DMRT3: variants seen among roughly 807,000 people sequenced by gnomAD.
DMRT3 encodes doublesex and mab-3 related transcription factor 3.
In DMRT3, 29 loss-of-function variants were observed where a neutral mutation model predicts 34.9. The ratio of observed to expected loss-of-function variants is 0.83; its 90% confidence interval spans 0.62 to 1.13. The LOEUF (loss-of-function observed/expected upper bound fraction) is 1.13. Among genes scored for constraint, DMRT3 ranks in the 50% most tolerant of loss-of-function variants. The pLI is 0.00. For missense variants in DMRT3, 772 were observed against 629.1 expected, an observed-to-expected ratio of 1.23 and a Z score of -2.43; for synonymous variants, 350 against 286.0, an observed-to-expected ratio of 1.22 and a Z score of -2.26.
rs1295419129 is a variant in DMRT3 at position 990,179 on chromosome 9, T to C, written c.593T>C (p.Val198Ala). The C allele has an allele frequency of 3.7e-6, 6 of 1,613,692 alleles. No homozygotes were observed. The highest frequency in any genetic ancestry group is 4.5e-5 in the East Asian group (2 of 44,856). ...TTCACCCCTGAGAGCCCTGAGATAG[T>C]GTCCGTGGAGGAAGGGGGATACGCT... ...GCFTPESPEI[V>A]SVEEGGYAVQ... is the part of the protein sequence containing the mutation. The change falls in exon 2 of 2, where the codon GTG becomes GCG. Residue 198 changes from valine to alanine, a missense_variant. Val to Ala is a moderately conservative substitution (Grantham distance 64). Coordinates refer to ENST00000190165, the MANE Select transcript of DMRT3 (RefSeq NM_021240.4).
Position 990,148 on chromosome 9 carries a change from G to A in DMRT3, c.562G>A (p.Gly188Ser). The change falls in exon 2 of 2, where the codon GGC becomes AGC. Residue 188 changes from glycine (G) to serine (S), a missense_variant. Gly to Ser is a moderately conservative substitution (Grantham distance 56). Coordinates refer to ENST00000190165, the MANE Select transcript of DMRT3 (RefSeq NM_021240.4). ...RSSPDVAKSK[G>S]CFTPESPEIV... ...TTCCCCAGATGTGGCAAAGAGTAAG[G>A]GCTGCTTCACCCCTGAGAGCCCTGA... The A allele has an allele frequency of 1.9e-6, 3 of 1,614,016 alleles. No individual in the cohort carries two copies. The highest frequency in any genetic ancestry group is 2.5e-6 in the Non-Finnish European group (3 of 1,180,006).
chr9:979,279 G>A (rs1368594296), intron 1 of DMRT3, among the ~76,000 whole-genome samples: 1 of 152,198 alleles, frequency 6.6e-6, no homozygotes, highest in Non-Finnish European at 1.5e-5. Context: ...AGGCAGGAAG[G>A]CAGAGTAGGC....
rs371999489 is a variant in DMRT3 at position 990,867 on chromosome 9, C to A, written c.1281C>A (p.Ala427=). 1 of 1,614,104 alleles carries A rather than the reference C, an allele frequency of 6.2e-7. No individual in the cohort carries two copies. Residue 427 remains alanine, a synonymous_variant, in exon 2 of 2, where the codon GCC becomes GCA. Transcript: ENST00000190165. ...TCAGAAGCTCGCCCGTCCTTCCTGC[C>A]CGCGCCACGGAAGACCCTCGGATTT... ...SVFRSSPVLP[A]RATEDPRISI...
In DMRT3 at chr9:991,106, T is replaced by C. The variant is rs1466099232; in HGVS notation, c.*101T>C. ...ATCTTGTGTATGCCCTTTCCTTCTG[T>C]TTGACAAAGTGACTGTGCTTGATTC... On this transcript the variant is annotated 3_prime_UTR_variant, in exon 2 of 2. Transcript: ENST00000190165. The C allele has an allele frequency of 1.4e-6, 2 of 1,438,422 alleles. No individual in the cohort carries two copies. Among genetic ancestry groups the C allele is most frequent in the African/African-American group, 1.4e-5 (1 of 70,290 alleles). The allele number at this position is 1,438,422 out of a possible 1,614,324, so 89.1% of individuals were successfully genotyped here.
In DMRT3 at chr9:990,609, G is replaced by GT; in HGVS notation, c.1027dup (p.Ser343PhefsTer5). The GT allele has an allele frequency of 1.2e-6, 2 of 1,614,096 alleles. No individual in the cohort carries two copies. Among genetic ancestry groups the GT allele is most frequent in the Non-Finnish European group, 1.7e-6 (2 of 1,180,026 alleles). ...CCTTTCGAGTCCCAGACACGTTGAG[G>GT]TTTTCTGCCGACTCTAGCAACGTTG... On this transcript the variant is annotated frameshift_variant, in exon 2 of 2. Transcript: ENST00000190165. LOFTEE classifies it high-confidence loss of function.
At chr9:977,534 G>A in intron 1 of DMRT3, 79 bp downstream of exon 1, 2 of 1,179,668 alleles carry the variant, frequency 1.7e-6, no homozygotes, top group East Asian at 7.3e-5. Context: ...CACTTGGGAG[G>A]ACTGGAGGCA....
At position 990,846 on chromosome 9, in the gene DMRT3, A is replaced by C. The variant is rs1189753578; in HGVS notation, c.1260A>C (p.Arg420Ser). 6.2e-7 allele frequency: 1 copy of C among 1,614,108 alleles called. No homozygotes were observed. The highest frequency in any genetic ancestry group is 2.2e-5 in the East Asian group (1 of 44,868). ...PFPSNSTSVF[R>S]SSPVLPARAT... The stretch of plus-strand genomic sequence containing the variant: ...CCAGTAACTCTACCAGCGTCTTCAG[A>C]AGCTCGCCCGTCCTTCCTGCCCGCG... Residue 420 changes from arginine (R) to serine (S), a missense_variant, in exon 2 of 2, where the codon AGA (arginine) becomes AGC (serine). Transcript: ENST00000190165.
In DMRT3 at chr9:977,269, T is replaced by G. The variant is rs758676642; in HGVS notation, c.268T>G (p.Ser90Ala). ...GAGCTTGGAGAGCCTCATCCCCGAC[T>G]CGCTGCGCGCTCTGCCAGGGCCCCC... ...NESLESLIPD[S>A]LRALPGPPPP... The change falls in exon 1 of 2, where the codon TCG becomes GCG. Residue 90 changes from serine (S) to alanine (A), a missense_variant. Coordinates refer to ENST00000190165, the MANE Select transcript of DMRT3 (RefSeq NM_021240.4). The G allele has an allele frequency of 6.5e-7, 1 of 1,534,964 alleles. No homozygotes were observed. Among genetic ancestry groups the G allele is most frequent in the South Asian group, 1.2e-5 (1 of 82,610 alleles).
intron 1 of DMRT3, among the ~76,000 whole-genome samples, chr9:984,855 A>T (rs1391075755): frequency 1.3e-5 from 2 of 151,912 alleles, no homozygotes; most frequent in Non-Finnish European, 2.9e-5. Flanking sequence ...TTTTTACTAA[A>T]TTGCATTTTT....
intron 1 of DMRT3, among the ~76,000 whole-genome samples, chr9:977,829 G>A (rs186067397): frequency 4.6e-5 from 7 of 152,310 alleles, no homozygotes; most frequent in African/African-American, 1.7e-4. Context: ...GGTGGGGTCG[G>A]ATTTTCCTGG....
intron 1 of DMRT3, among the ~76,000 whole-genome samples, chr9:988,507 A>T (rs1586685926): frequency 6.6e-6 from 1 of 152,352 alleles, no homozygotes; most frequent in Middle Eastern, 3.4e-3. Context: ...GTGTAGGAGA[A>T]GATGGTTTCT....
rs142038183 is a variant in DMRT3, at chr9:986,972, C to G, written c.455-3069C>G. Among the ~76,000 whole-genome samples, 28 of 151,530 alleles carry G rather than the reference C, an allele frequency of 1.8e-4. No individual in the cohort carries two copies. The East Asian group carries it at 5.2e-3, about 28-fold the overall frequency. On this transcript the variant is annotated intron_variant, in intron 1 of 1. Transcript: ENST00000190165. ...TTCCCAAGAAGGACTAGTTGTTTCT[C>G]TTGCTTAAAAAAATCTCTTCATTCT...
rs1820154462 is a variant in DMRT3 at position 976,909 on chromosome 9, G to A, written c.-93G>A. ...GGGACCAAGGGCCGCGTCGCCCGGA[G>A]GCCGCCCCTGAGCGGGCCTCGCAGC... is the stretch of plus-strand genomic sequence containing the variant. On this transcript the variant is annotated 5_prime_UTR_variant, in exon 1 of 2. Coordinates refer to ENST00000190165, the MANE Select transcript of DMRT3 (RefSeq NM_021240.4). The surrounding 1 kb of genome is among the most constrained non-coding windows in gnomAD (Gnocchi z 4.5). The A allele has an allele frequency of 7.6e-7, 1 of 1,318,006 alleles. No homozygotes were observed. Among genetic ancestry groups the A allele is most frequent in the East Asian group, 3.0e-5 (1 of 33,088 alleles). 81.6% of individuals were successfully genotyped at this position (1,318,006 alleles called of 1,614,324 possible).
Position 990,093 on chromosome 9 carries a change from C to G in DMRT3, c.507C>G (p.Val169=), listed in dbSNP as rs762725107. The change falls in exon 2 of 2, where the codon GTC becomes GTG. Residue 169 remains valine (V), a synonymous_variant. Coordinates refer to ENST00000190165, the MANE Select transcript of DMRT3 (RefSeq NM_021240.4). ...GDGKSADNTE[V]FSDKDTDQRS... ...GCAAGTCGGCAGACAATACAGAGGT[C>G]TTCAGTGACAAAGACACTGACCAGA... 1.2e-6 allele frequency: 2 copies of G among 1,613,952 alleles called. 1 individual carries two copies. The highest frequency in any genetic ancestry group is 4.5e-5 in the East Asian group (2 of 44,870).
chr9:980,215 G>A (rs1820199714), intron 1 of DMRT3, among the ~76,000 whole-genome samples: 1 of 152,192 alleles, frequency 6.6e-6, no homozygotes, highest in South Asian at 2.1e-4. Context: ...CCCGTTGAGG[G>A]AGTGACATAT....
intron 1 of DMRT3, among the ~76,000 whole-genome samples, chr9:983,814 C>T (rs1284646118): frequency 6.6e-6 from 1 of 152,056 alleles, no homozygotes; most frequent in African/African-American, 2.4e-5. Flanking sequence ...TAGCAATATT[C>T]CCCCAAAATA....
rs751636623 is a variant in DMRT3, at chr9:977,027, T to A, written c.26T>A (p.Leu9Gln). ...ATGAACGGCTACGGCTCCCCCTACCTGTACATGGGCGGCCCGGTGTCGCAG... is the reference window on the plus strand; with the variant it reads ...ATGAACGGCTACGGCTCCCCCTACCAGTACATGGGCGGCCCGGTGTCGCAG... MNGYGSPY[L>Q]YMGGPVSQPP... The change falls in exon 1 of 2, where the codon CTG (leucine) becomes CAG (glutamine). Residue 9 changes from leucine to glutamine, a missense_variant. Coordinates refer to ENST00000190165, the MANE Select transcript of DMRT3 (RefSeq NM_021240.4). 13 of 1,549,348 alleles carry A rather than the reference T, an allele frequency of 8.4e-6. No homozygotes were observed. The highest frequency in any genetic ancestry group is 1.2e-5 in the South Asian group (1 of 84,212).
At position 990,823 on chromosome 9, in the gene DMRT3, A is replaced by C. The variant is rs1337217181; in HGVS notation, c.1237A>C (p.Ser413Arg). Residue 413 changes from serine (S) to arginine (R), a missense_variant, in exon 2 of 2, where the codon AGT becomes CGT. Coordinates refer to ENST00000190165, the MANE Select transcript of DMRT3 (RefSeq NM_021240.4). Reference sequence around the variant, plus strand: ...GTCCCAGTATGTCAGTCCTTTCCCCAGTAACTCTACCAGCGTCTTCAGAAG... The same window carrying C: ...GTCCCAGTATGTCAGTCCTTTCCCCCGTAACTCTACCAGCGTCTTCAGAAG... The part of the protein sequence containing the change: ...LRSQYVSPFP[S>R]NSTSVFRSSP... The C allele has an allele frequency of 6.2e-7, 1 of 1,613,986 alleles. No homozygotes were observed. The highest frequency in any genetic ancestry group is 8.5e-7 in the Non-Finnish European group (1 of 1,180,028).
At chr9:980,725 T>C (rs1021053274) in intron 1 of DMRT3, among the ~76,000 whole-genome samples, 5 of 152,144 alleles carry the variant, frequency 3.3e-5, no homozygotes, top group African/African-American at 1.2e-4. Context: ...ATCTTCCAAC[T>C]GTTAGTGTAT....
Sources: allele counts gnomAD v4.1 joint callset (sites outside exome capture counted in the v4.1 genomes callset), GRCh38; gene constraint gnomAD v4.1.1; non-coding constraint Gnocchi (gnomAD v3.1); transcripts MANE v1.5; gene names NCBI Gene and HGNC (gene_info 2026-07-23, HGNC 2026-07-21).